The following EMSY variants were observed in gnomAD, a reference collection of about 807,000 sequenced individuals.
The protein encoded by EMSY is EMSY transcriptional repressor, BRCA2 interacting.
In EMSY, 26 loss-of-function variants were observed where a neutral mutation model predicts 134.6. That is an observed-to-expected ratio of 0.19 (90% CI 0.14 to 0.27). The LOEUF is 0.27. EMSY is among the 10% of genes least tolerant of loss of function. EMSY has a pLI of 1.00. For missense variants in EMSY, 1,305 were observed against 1,611.4 expected (o/e 0.81, Z 3.26); for synonymous variants, 579 against 577.8 (o/e 1.00, Z -0.03).
chr11:76,503,946 G>A (rs554567085), intron 9 of EMSY, among the ~76,000 whole-genome samples: 30 of 151,468 alleles, frequency 2.0e-4, no homozygotes, highest in African/African-American at 6.5e-4. Context: ...CATCACGCCC[G>A]GCTAATTTTT....
At chr11:76,505,352 C>T (rs555438290) in intron 9 of EMSY, among the ~76,000 whole-genome samples, 18 of 142,454 alleles carry the variant, frequency 1.3e-4, no homozygotes, top group East Asian at 2.3e-4. Flanking sequence ...CGCACCATCA[C>T]GCCCGGCTAA....
intron 14 of EMSY, among the ~76,000 whole-genome samples, chr11:76,531,611 G>A (rs898788301): frequency 6.6e-6 from 1 of 152,146 alleles, no homozygotes; most frequent in African/African-American, 2.4e-5. Context: ...TTAAGATGAT[G>A]TCTTCTAGTT....
intron 10 of EMSY, 100 bp downstream of exon 11, chr11:76,513,635 T>C: frequency 1.5e-6 from 2 of 1,307,276 alleles, no homozygotes; most frequent in South Asian, 1.6e-5. Flanking sequence ...TAGAGATTAA[T>C]GGGACAGTTT....
chr11:76,486,444 A>T (rs1425131556), intron 8 of EMSY, among the ~76,000 whole-genome samples: 2 of 152,226 alleles, frequency 1.3e-5, no homozygotes, highest in African/African-American at 4.8e-5. Context: ...CAGTGAACAG[A>T]GGCATGAGTG....
chr11:76,539,397 T>C (rs761945416), intron 16 of EMSY, among the ~76,000 whole-genome samples: 4 of 152,128 alleles, frequency 2.6e-5, no homozygotes, highest in Non-Finnish European at 5.9e-5. Context: ...TTAAGACTAA[T>C]GGGTTAAAAT....
chr11:76,535,878 T>A lies in EMSY; in HGVS notation c.2195-17T>A, dbSNP rs201814779. ...TTTGTTTATAGGGTTTGTTTTTTTT[T>A]AACTAATATAAAACAGATTCCCAGC... On this transcript the variant is annotated splice_polypyrimidine_tract_variant and intron_variant, in intron 14 of 20. Coordinates refer to ENST00000334736, the Ensembl canonical transcript of EMSY. 6.9e-6 allele frequency: 10 copies of A among 1,450,880 alleles called. No homozygotes were observed. The Admixed American group carries it at 1.5e-4, about 22-fold the overall frequency. The allele number at this position is 1,450,880 out of a possible 1,614,324, so 89.9% of individuals were successfully genotyped here.
intron 8 of EMSY, among the ~76,000 whole-genome samples, chr11:76,474,084 C>T (rs1282062606): frequency 6.7e-6 from 1 of 149,412 alleles, no homozygotes; most frequent in Non-Finnish European, 1.5e-5. Flanking sequence ...GAGCTGAGAT[C>T]CAGTCCTGGT....
At chr11:76,508,867 C>T (rs1290121660) in intron 9 of EMSY, among the ~76,000 whole-genome samples, 4 of 152,088 alleles carry the variant, frequency 2.6e-5, no homozygotes, top group Non-Finnish European at 5.9e-5. Flanking sequence ...ACTCTCCTGG[C>T]CTTCATAGAA....
chr11:76,521,779 A>AG (rs1271742875), intron 11 of EMSY, among the ~76,000 whole-genome samples: 2 of 151,744 alleles, frequency 1.3e-5, no homozygotes, highest in African/African-American at 2.4e-5. Flanking sequence ...AAAAAAAAAA[A>AG]AAAAGTCCAG....
intron 16 of EMSY, among the ~76,000 whole-genome samples, chr11:76,538,729 G>A (rs1951319867): frequency 6.6e-6 from 1 of 152,120 alleles, no homozygotes; most frequent in Admixed American, 6.5e-5. Flanking sequence ...AGGCCGAGGC[G>A]GGCAGATTGC....
rs556718743 is a variant in EMSY at position 76,518,173 on chromosome 11, T to C, written c.1684+1861T>C. Among the ~76,000 whole-genome samples the C allele has an allele frequency of 1.0e-4, 15 of 149,310 alleles. No individual in the cohort carries two copies. The East Asian group carries it at 2.9e-3, about 29-fold the overall frequency. ...AACAAAAAAGAAGTACTTTCTTTTT[T>C]TTTTTTTTTTTTTTAAGACAGAGTA... On this transcript the variant is annotated intron_variant, in intron 11 of 20. Transcript: ENST00000334736.
intron 8 of EMSY, among the ~76,000 whole-genome samples, chr11:76,478,136 C>G (rs916689448): frequency 1.1e-4 from 17 of 152,112 alleles, no homozygotes; most frequent in African/African-American, 4.1e-4. Flanking sequence ...AAAATACCTT[C>G]CCTGTGAAAT....
At chr11:76,528,488 A>T in intron 14 of EMSY, 22 bp downstream of exon 15, 1 of 1,559,536 alleles carries the variant, frequency 6.4e-7, no homozygotes, top group Non-Finnish European at 8.8e-7. Flanking sequence ...TTTACTTCTG[A>T]TTTATATAAG....
intron 9 of EMSY, among the ~76,000 whole-genome samples, chr11:76,503,755 G>C (rs1949968058): frequency 6.6e-6 from 1 of 152,084 alleles, no homozygotes; most frequent in Non-Finnish European, 1.5e-5. Flanking sequence ...AAATAGAAAA[G>C]TTAGATATCA....
At chr11:76,472,194 A>G (rs1389810405) in intron 7 of EMSY, among the ~76,000 whole-genome samples, 1 of 152,240 alleles carries the variant, frequency 6.6e-6, no homozygotes. Flanking sequence ...TCCAGCGTCT[A>G]GAACCATGCC....
Position 76,544,423 on chromosome 11 carries a change from G to A in EMSY, c.2874G>A (p.Pro958=), listed in dbSNP as rs149047897. Reference sequence around the variant, plus strand: ...AACAGCAGAAACTTAGCCAGCCCCCGCTGGAACAGACTCAGCTGCAAGTGA... The same window carrying A: ...AACAGCAGAAACTTAGCCAGCCCCCACTGGAACAGACTCAGCTGCAAGTGA... Residue 958 remains proline, a synonymous_variant, in exon 19 of 21, where the codon CCG becomes CCA. Coordinates refer to ENST00000334736, the Ensembl canonical transcript of EMSY. The A allele has an allele frequency of 3.7e-5, 60 of 1,614,050 alleles. No homozygotes were observed. In the African/African-American group the frequency reaches 4.5e-4, roughly 12 times the overall value.
At chr11:76,446,586 C>G (rs1456150107) in intron 1 of EMSY, among the ~76,000 whole-genome samples, 2 of 152,004 alleles carry the variant, frequency 1.3e-5, no homozygotes, top group Admixed American at 1.3e-4. Flanking sequence ...TTCTTTAATA[C>G]GCGTAACAAA....
intron 8 of EMSY, among the ~76,000 whole-genome samples, chr11:76,480,385 G>C (rs1416682622): frequency 3.3e-5 from 5 of 152,164 alleles, no homozygotes; most frequent in African/African-American, 1.2e-4. Flanking sequence ...TTTCTGATTG[G>C]TTTCCAAACA....
intron 9 of EMSY, among the ~76,000 whole-genome samples, chr11:76,502,128 A>G (rs1240407180): frequency 6.6e-6 from 1 of 151,202 alleles, no homozygotes; most frequent in African/African-American, 2.4e-5. Context: ...ACTTTACCAA[A>G]TAAACAAAAT....
Sources: gnomAD v4.1 joint callset for allele counts (sites outside exome capture counted in the v4.1 genomes callset) on GRCh38, gnomAD v4.1.1 for gene constraint, MANE v1.5 for transcripts, NCBI Gene and HGNC (gene_info 2026-07-23, HGNC 2026-07-21) for gene names.